SLC1A2: variants seen among roughly 807,000 people sequenced by gnomAD.
SLC1A2 encodes excitatory amino acid transporter 2.
A neutral mutation model predicts 48.8 loss-of-function variants in SLC1A2; 15 were observed. The observed-to-expected ratio is 0.31, with a 90% CI of 0.21 to 0.47. The LOEUF is 0.47. Ranked by LOEUF, SLC1A2 falls within the 20% of genes least tolerant of loss-of-function variation. The pLI, the probability that SLC1A2 is intolerant of heterozygous loss-of-function variation, is 0.99. For missense variants in SLC1A2, 502 were observed against 730.5 expected, an observed-to-expected ratio of 0.69 and a Z score of 3.61; for synonymous variants, 279 against 272.6, an observed-to-expected ratio of 1.02 and a Z score of -0.23.
rs550894466 is a variant in SLC1A2, at chr11:35,398,489, A to AC, written c.17+20460_17+20461insG. Among the ~76,000 whole-genome samples the AC allele has an allele frequency of 1.9e-3, 296 of 152,312 alleles. 1 individual carries two copies. Among genetic ancestry groups the AC allele is most frequent in the African/African-American group, 7.0e-3 (293 of 41,570 alleles). On this transcript the variant is annotated intron_variant, in intron 1 of 10. Coordinates refer to ENST00000278379, the MANE Select transcript of SLC1A2 (RefSeq NM_004171.4). Reference sequence around the variant, plus strand: ...GACATATGGACACAAAGAAGAGAACAACAGACACTGGGGTCTACTTGAGGG... The same window carrying AC: ...GACATATGGACACAAAGAAGAGAACACACAGACACTGGGGTCTACTTGAGGG...
intron 1 of SLC1A2, among the ~76,000 whole-genome samples, chr11:35,329,432 T>C (rs1340969231): frequency 6.6e-6 from 1 of 152,204 alleles, no homozygotes; most frequent in Non-Finnish European, 1.5e-5. Flanking sequence ...GTGGGTGATG[T>C]TGACAGTTGG....
intron 8 of SLC1A2, among the ~76,000 whole-genome samples, chr11:35,282,276 C>T (rs11033050): frequency 0.22 from 33,541 of 151,950 alleles, 3,858 homozygotes; most frequent in Admixed American, 0.28. Flanking sequence ...ACAGGAGGTA[C>T]AGTGTGGAGT....
At chr11:35,297,716 T>A (rs1851216536) in intron 6 of SLC1A2, 2 of 152,184 alleles carry the variant, frequency 1.3e-5, no homozygotes, top group South Asian at 4.1e-4. Context: ...TAAGGGGTTT[T>A]CAGGTTTCTT....
intron 5 of SLC1A2, 59 bp downstream of exon 5, chr11:35,306,015 G>A: frequency 2.0e-6 from 3 of 1,520,418 alleles, no homozygotes; most frequent in African/African-American, 1.4e-5. Flanking sequence ...TGAAAAGGGA[G>A]TGCAGGATAG....
intron 5 of SLC1A2, among the ~76,000 whole-genome samples, chr11:35,304,500 C>T (rs1851446103): frequency 6.6e-6 from 1 of 152,076 alleles, no homozygotes; most frequent in South Asian, 2.1e-4. Context: ...CCCAGAGGAA[C>T]TCTCCTTCCT....
chr11:35,306,432 A>G (rs1378452309), intron 4 of SLC1A2, among the ~76,000 whole-genome samples, 190 bp from the exon 5 acceptor site: 5 of 152,258 alleles, frequency 3.3e-5, no homozygotes, highest in African/African-American at 9.6e-5. Flanking sequence ...TTTATTATAC[A>G]CAGTGAGATA....
chr11:35,295,812 C>T (rs1333986584), intron 6 of SLC1A2, among the ~76,000 whole-genome samples: 1 of 152,196 alleles, frequency 6.6e-6, no homozygotes, highest in Non-Finnish European at 1.5e-5. Flanking sequence ...CCTCACAGGG[C>T]TCCACAAACA....
chr11:35,397,126 G>A (rs2135259968), intron 1 of SLC1A2, among the ~76,000 whole-genome samples: 1 of 148,446 alleles, frequency 6.7e-6, no homozygotes, highest in South Asian at 2.2e-4. Context: ...CAGATTCAAT[G>A]CCATCCCCAT....
chr11:35,352,555 T>A lies in SLC1A2; in HGVS notation c.18-35039A>T, dbSNP rs367555291. Among the ~76,000 whole-genome samples, 5 of 152,294 alleles carry A rather than the reference T, an allele frequency of 3.3e-5. No homozygotes were observed. The East Asian group carries it at 5.8e-4, about 18-fold the overall frequency. ...GCCAAGCCCATCTTTCTAGAAGCCA[T>A]TCCAATGCTGCCTCTTGAGAAAGCA... is the stretch of plus-strand genomic sequence containing the variant. On this transcript the variant is annotated intron_variant, in intron 1 of 10. Transcript: ENST00000278379.
chr11:35,340,545 C>T (rs899642353), intron 1 of SLC1A2, among the ~76,000 whole-genome samples: 2 of 152,246 alleles, frequency 1.3e-5, no homozygotes, highest in African/African-American at 4.8e-5. Context: ...ACTTCTACCC[C>T]TTTCTAGCTG....
intron 9 of SLC1A2, among the ~76,000 whole-genome samples, chr11:35,275,021 G>A (rs1265562043): frequency 6.6e-6 from 1 of 152,184 alleles, no homozygotes; most frequent in East Asian, 1.9e-4. Flanking sequence ...AGAGTCCCTG[G>A]AGATTGCATC....
At position 35,257,567 on chromosome 11, in the gene SLC1A2, A is replaced by G. The variant is rs1425350725; in HGVS notation, c.*3327T>C. ...GCCCTGATTTTCTGATGCTCTTTGT[A>G]TGGGAAGCATGCCCTCAAAGATCTA... On this transcript the variant is annotated 3_prime_UTR_variant, in exon 11 of 11. Coordinates refer to ENST00000278379, the MANE Select transcript of SLC1A2 (RefSeq NM_004171.4). 1 of 152,164 alleles carries G rather than the reference A, an allele frequency of 6.6e-6. No homozygotes were observed. The highest frequency in any genetic ancestry group is 1.5e-5 in the Non-Finnish European group (1 of 68,030). 9.4% of individuals were successfully genotyped at this position (152,164 alleles called of 1,614,324 possible).
chr11:35,268,407 C>G (rs11033049), intron 9 of SLC1A2, among the ~76,000 whole-genome samples: 3 of 152,042 alleles, frequency 2.0e-5, no homozygotes, highest in African/African-American at 7.2e-5. Flanking sequence ...CTGGGCATGG[C>G]GGCTCATGCC....
At chr11:35,314,925 G>T in intron 3 of SLC1A2, 98 bp downstream of exon 3, 1 of 806,636 alleles carries the variant, frequency 1.2e-6, no homozygotes, top group Non-Finnish European at 2.1e-6. Context: ...TGACATAGAC[G>T]ATCACATTCA....
At chr11:35,314,835 T>A (rs1375559376) in intron 3 of SLC1A2, among the ~76,000 whole-genome samples, 188 bp downstream of exon 3, 1 of 150,980 alleles carries the variant, frequency 6.6e-6, no homozygotes, top group Non-Finnish European at 1.5e-5. Context: ...ATAGACTGAC[T>A]AATCGATGGC....
At chr11:35,288,231 C>T (rs1214406667) in intron 7 of SLC1A2, among the ~76,000 whole-genome samples, 1 of 152,178 alleles carries the variant, frequency 6.6e-6, no homozygotes, top group African/African-American at 2.4e-5. Context: ...CCTAAAACAA[C>T]CTTAGGAGAG....
intron 1 of SLC1A2, chr11:35,322,829 C>A (rs1264602507): frequency 1.5e-5 from 10 of 688,700 alleles, no homozygotes; most frequent in Non-Finnish European, 2.4e-5. Context: ...TGTCCCACAT[C>A]CAGGGTTTCC....
intron 1 of SLC1A2, among the ~76,000 whole-genome samples, chr11:35,377,462 G>T (rs552837903): frequency 6.6e-6 from 1 of 152,166 alleles, no homozygotes; most frequent in Non-Finnish European, 1.5e-5. Flanking sequence ...CATTCCATCT[G>T]TTCGTTACCA....
chr11:35,282,888 G>C (rs1177620313), intron 8 of SLC1A2, among the ~76,000 whole-genome samples: 1 of 152,158 alleles, frequency 6.6e-6, no homozygotes, highest in East Asian at 1.9e-4. Flanking sequence ...GTCTCTGTGT[G>C]TGGAATTCTA....
Sources: allele counts gnomAD v4.1 joint callset (sites outside exome capture counted in the v4.1 genomes callset), GRCh38; gene constraint gnomAD v4.1.1; transcripts MANE v1.5; gene names NCBI Gene and HGNC (gene_info 2026-07-23, HGNC 2026-07-21).